The following WDR70 variants were observed in gnomAD, a reference collection of about 807,000 sequenced individuals.
The protein encoded by WDR70 is WD repeat-containing protein 70.
A neutral mutation model predicts 88.6 loss-of-function variants in WDR70; 53 were observed. That is an observed-to-expected ratio of 0.60 (90% CI 0.48 to 0.75). The LOEUF (loss-of-function observed/expected upper bound fraction) is 0.75, where lower values mean the gene tolerates loss of function less well. Among genes scored for constraint, WDR70 ranks in the 30% least tolerant of loss-of-function variants. The pLI is 0.00. For missense variants in WDR70, 610 were observed against 823.2 expected (o/e 0.74, Z 3.17); for synonymous variants, 280 against 270.0 (o/e 1.04, Z -0.36).
At chr5:37,394,294 A>G (rs903547592) in intron 4 of WDR70, among the ~76,000 whole-genome samples, 3 of 152,020 alleles carry the variant, frequency 2.0e-5, no homozygotes, top group Non-Finnish European at 4.4e-5. Context: ...TCAAAAAAAA[A>G]AAAAAAAAAA....
In WDR70 at chr5:37,461,122, A is replaced by AAAT. The variant is rs58013663; in HGVS notation, c.686+17752_686+17753insTAA. On this transcript the variant is annotated intron_variant, in intron 7 of 17. Transcript: ENST00000265107. ...TCTAACCTCAAAAAAAAAAAAAAAA[A>AAAT]AAATAAAGGGTTGTGAAACAAACCC... 6.0e-3 allele frequency among the ~76,000 whole-genome samples: 904 copies of AAAT among 149,546 alleles called. 12 individuals are homozygous for AAAT. The highest frequency in any genetic ancestry group is 0.022 in the African/African-American group (850 of 39,502).
intron 17 of WDR70, among the ~76,000 whole-genome samples, chr5:37,750,570 C>A (rs1748775640): frequency 6.6e-6 from 1 of 152,070 alleles, no homozygotes; most frequent in Non-Finnish European, 1.5e-5. Flanking sequence ...GTGTCCCCAC[C>A]CAAATCTCAT....
intron 10 of WDR70, among the ~76,000 whole-genome samples, chr5:37,615,350 C>T (rs1442526826): frequency 1.3e-5 from 2 of 151,996 alleles, no homozygotes; most frequent in African/African-American, 2.4e-5. Flanking sequence ...ATGAAAAAGA[C>T]GCACACCAAG....
intron 10 of WDR70, among the ~76,000 whole-genome samples, chr5:37,679,938 G>A (rs986103621): frequency 5.9e-5 from 9 of 152,382 alleles, no homozygotes; most frequent in South Asian, 2.1e-4. Flanking sequence ...CTGGGCAATG[G>A]CGGGCGCCCC....
intron 9 of WDR70, among the ~76,000 whole-genome samples, chr5:37,521,678 T>A (rs1047215401): frequency 2.0e-5 from 3 of 150,376 alleles, no homozygotes; most frequent in South Asian, 2.1e-4. Flanking sequence ...TTGTTCCTTT[T>A]TGTGGCTGAG....
intron 3 of WDR70, among the ~76,000 whole-genome samples, chr5:37,385,475 T>G (rs1317725911): frequency 7.7e-6 from 1 of 129,850 alleles, no homozygotes; most frequent in Non-Finnish European, 1.5e-5. Context: ...GCTATGATCA[T>G]GCCACTGCAT....
intron 10 of WDR70, among the ~76,000 whole-genome samples, chr5:37,656,153 T>C (rs1745549307): frequency 6.6e-6 from 1 of 152,204 alleles, no homozygotes; most frequent in Admixed American, 6.5e-5. Context: ...TTGATGTTGA[T>C]GCTCTTCCTG....
intron 17 of WDR70, among the ~76,000 whole-genome samples, chr5:37,738,923 G>A (rs72743201): frequency 0.031 from 4,719 of 152,252 alleles, 98 homozygotes; most frequent in Middle Eastern, 0.11. Context: ...CAGAGTTACC[G>A]AAGCTAAAGC....
At chr5:37,447,813 G>A (rs534166754) in intron 7 of WDR70, among the ~76,000 whole-genome samples, 5 of 152,290 alleles carry the variant, frequency 3.3e-5, no homozygotes, top group African/African-American at 7.2e-5. Flanking sequence ...GGGAGGGAGA[G>A]CATTAGGAGA....
chr5:37,716,923 C>T (rs1396863286), intron 13 of WDR70, among the ~76,000 whole-genome samples: 2 of 152,086 alleles, frequency 1.3e-5, no homozygotes, highest in Non-Finnish European at 2.9e-5. Flanking sequence ...AGCTCGACAT[C>T]GTGCTCTCTT....
intron 10 of WDR70, among the ~76,000 whole-genome samples, chr5:37,628,350 C>T (rs1744723488): frequency 6.6e-6 from 1 of 152,218 alleles, no homozygotes. Context: ...AAGCCCATTT[C>T]TCCCTTTAGA....
chr5:37,443,422 A>G, intron 7 of WDR70, 50 bp downstream of exon 7: 1 of 1,604,046 alleles, frequency 6.2e-7, no homozygotes, highest in Non-Finnish European at 8.5e-7. Context: ...ATGTCTTCAC[A>G]TTGGAAGACA....
intron 10 of WDR70, among the ~76,000 whole-genome samples, chr5:37,606,745 C>T (rs1433241028): frequency 6.6e-6 from 1 of 151,988 alleles, no homozygotes; most frequent in East Asian, 1.9e-4. Flanking sequence ...TACCATATCT[C>T]ATTTGTTATA....
At chr5:37,604,966 A>C (rs1743988004) in intron 9 of WDR70, 98 bp from the exon 10 acceptor site, 1 of 1,064,226 alleles carries the variant, frequency 9.4e-7, no homozygotes, top group Non-Finnish European at 1.3e-6. Flanking sequence ...TTATGTGCCA[A>C]AATGGCGAAG....
chr5:37,488,402 T>G (rs1487130876), intron 8 of WDR70, among the ~76,000 whole-genome samples: 1 of 151,970 alleles, frequency 6.6e-6, no homozygotes, highest in Non-Finnish European at 1.5e-5. Context: ...TCTATGCCAT[T>G]GATCTCTTCA....
In WDR70 at chr5:37,528,893, C is replaced by G. The variant is rs558375746; in HGVS notation, c.917+12303C>G. Reference sequence around the variant, plus strand: ...TTGGTCATGAAGTCTTTGCCTAAGCCAATGTCTAGAGGGGGTTTTTTTTTT... The same window carrying G: ...TTGGTCATGAAGTCTTTGCCTAAGCGAATGTCTAGAGGGGGTTTTTTTTTT... On this transcript the variant is annotated intron_variant, in intron 9 of 17. Coordinates refer to ENST00000265107, the MANE Select transcript of WDR70 (RefSeq NM_018034.4). Among the ~76,000 whole-genome samples the G allele has an allele frequency of 2.9e-5, 4 of 139,916 alleles. No homozygotes were observed. The East Asian group carries it at 8.3e-4, about 29-fold the overall frequency. 91.8% of individuals were successfully genotyped at this position (139,916 alleles called of 152,430 possible).
In WDR70 at chr5:37,697,692, C is replaced by T. The variant is rs761947995; in HGVS notation, c.1130C>T (p.Ser377Leu). The T allele has an allele frequency of 3.0e-5, 49 of 1,613,600 alleles. No individual in the cohort carries two copies. In the East Asian group the frequency reaches 3.3e-4, roughly 11 times the overall value. ...PKFHYKQAHDSGTDTSCVTFS... is the reference protein window; with the variant it reads ...PKFHYKQAHDLGTDTSCVTFS... ...TTCCACTATAAACAGGCTCATGACT[C>T]GGGCACAGACACTTCTTGCGTGACT... Residue 377 changes from serine to leucine, a missense_variant, in exon 11 of 18, where the codon TCG becomes TTG. Ser to Leu is a moderately radical substitution (Grantham distance 145). Transcript: ENST00000265107.
intron 10 of WDR70, among the ~76,000 whole-genome samples, chr5:37,679,281 G>C (rs1264114578): frequency 6.6e-6 from 1 of 152,154 alleles, no homozygotes; most frequent in African/African-American, 2.4e-5. Flanking sequence ...GTGAGGAACT[G>C]CATTCCTTTG....
intron 10 of WDR70, among the ~76,000 whole-genome samples, chr5:37,658,151 A>T (rs1404945352): frequency 1.3e-5 from 2 of 151,988 alleles, no homozygotes; most frequent in Non-Finnish European, 2.9e-5. Context: ...CTTCCTCATC[A>T]TCTTCACATT....
Sources: allele counts gnomAD v4.1 joint callset (sites outside exome capture counted in the v4.1 genomes callset), GRCh38; gene constraint gnomAD v4.1.1; transcripts MANE v1.5; gene names NCBI Gene and HGNC (gene_info 2026-07-23, HGNC 2026-07-21).